The following LINGO2 variants were observed in gnomAD, a reference collection of about 807,000 sequenced individuals.
The protein encoded by LINGO2 is leucine-rich repeat and immunoglobulin-like domain-containing nogo receptor-interacting protein 2.
Under a neutral mutation model 30.6 loss-of-function variants are expected in LINGO2, and 14 were observed. The ratio of observed to expected loss-of-function variants is 0.46; its 90% CI spans 0.30 to 0.72. The LOEUF (loss-of-function observed/expected upper bound fraction) is 0.72. LINGO2 is among the 30% of genes least tolerant of loss of function. The pLI is 0.07. For missense variants in LINGO2, 729 were observed against 751.7 expected, an observed-to-expected ratio of 0.97 and a Z score of 0.35; for synonymous variants, 317 against 288.5, an observed-to-expected ratio of 1.10 and a Z score of -1.00.
At chr9:28,053,664 T>C (rs1433828635) in intron 4 of LINGO2, among the ~76,000 whole-genome samples, 1 of 152,020 alleles carries the variant, frequency 6.6e-6, no homozygotes, top group Non-Finnish European at 1.5e-5. Flanking sequence ...ACCTGGGGAA[T>C]TGTAAAATAA....
At chr9:28,492,257 T>A (rs1017121801) in intron 1 of LINGO2, among the ~76,000 whole-genome samples, 1 of 152,194 alleles carries the variant, frequency 6.6e-6, no homozygotes, top group Admixed American at 6.6e-5. Context: ...CTGATCAATT[T>A]GTCTAAACTA....
chr9:29,147,895 G>A, the LINGO2 span, among the ~76,000 whole-genome samples: 5 of 151,956 alleles, frequency 3.3e-5, no homozygotes, highest in Non-Finnish European at 7.4e-5. Flanking sequence ...TAATAAACCT[G>A]ATTATCCCTA....
chr9:29,103,240 A>G, the LINGO2 span, among the ~76,000 whole-genome samples: 4 of 151,520 alleles, frequency 2.6e-5, no homozygotes, highest in Non-Finnish European at 4.4e-5. Flanking sequence ...ACCTTTCACC[A>G]TTATCTGAAC....
chr9:28,121,094 G>T (rs1187764847), intron 4 of LINGO2, among the ~76,000 whole-genome samples: 2 of 151,946 alleles, frequency 1.3e-5, no homozygotes, highest in African/African-American at 4.8e-5. Context: ...TGGGTCTCCA[G>T]AACACAATTA....
chr9:28,015,881 G>C (rs1005321202), intron 4 of LINGO2, among the ~76,000 whole-genome samples: 2 of 150,994 alleles, frequency 1.3e-5, no homozygotes, highest in African/African-American at 4.9e-5. Context: ...GAATGTTTCA[G>C]ATGCAATGGA....
At chr9:28,953,135 G>T in the LINGO2 span, among the ~76,000 whole-genome samples, 1 of 152,028 alleles carries the variant, frequency 6.6e-6, no homozygotes, top group Non-Finnish European at 1.5e-5. Context: ...ACATATGTTT[G>T]GTCTGAGACT....
intron 1 of LINGO2, among the ~76,000 whole-genome samples, chr9:28,532,471 T>C (rs1821270693): frequency 6.6e-6 from 1 of 152,132 alleles, no homozygotes; most frequent in Non-Finnish European, 1.5e-5. Flanking sequence ...AAGGGAGGCC[T>C]TTGTCACTTT....
At chr9:28,062,940 T>C (rs1825201765) in intron 4 of LINGO2, among the ~76,000 whole-genome samples, 1 of 152,046 alleles carries the variant, frequency 6.6e-6, no homozygotes, top group African/African-American at 2.4e-5. Context: ...TTACTATCTC[T>C]ATAGATTTCC....
chr9:28,661,965 A>G (rs943554598), intron 1 of LINGO2, among the ~76,000 whole-genome samples: 4 of 152,194 alleles, frequency 2.6e-5, no homozygotes, highest in Non-Finnish European at 5.9e-5. Flanking sequence ...AACAAGCAGC[A>G]TAACTTAGTA....
At chr9:29,062,155 A>G in the LINGO2 span, among the ~76,000 whole-genome samples, 22 of 152,216 alleles carry the variant, frequency 1.4e-4, no homozygotes, top group East Asian at 3.9e-3. Context: ...TAGGATGGAC[A>G]GTATATTTTA....
chr9:28,626,428 T>C (rs571915817), intron 1 of LINGO2, among the ~76,000 whole-genome samples: 3 of 152,248 alleles, frequency 2.0e-5, no homozygotes, highest in Admixed American at 1.3e-4. Flanking sequence ...TCAATATGTT[T>C]CCTTCATGAT....
chr9:28,209,871 C>T (rs984347144), intron 4 of LINGO2, among the ~76,000 whole-genome samples: 1 of 151,686 alleles, frequency 6.6e-6, no homozygotes, highest in Admixed American at 6.6e-5. Flanking sequence ...TAAACAGATT[C>T]ATCCTCCCAG....
the LINGO2 span, among the ~76,000 whole-genome samples, chr9:28,745,539 C>A: frequency 3.3e-5 from 5 of 151,936 alleles, 1 homozygote; most frequent in Non-Finnish European, 7.4e-5. Context: ...AATTCCCAGA[C>A]GTTGAATGAG....
chr9:29,008,439 C>A, the LINGO2 span, among the ~76,000 whole-genome samples: 1 of 152,124 alleles, frequency 6.6e-6, no homozygotes, highest in Non-Finnish European at 1.5e-5. Flanking sequence ...TGGGTATATA[C>A]CCAGTAATGG....
Position 28,553,366 on chromosome 9 carries a change from G to C in LINGO2, c.-364-77341C>G, listed in dbSNP as rs561843834. 2.0e-4 allele frequency among the ~76,000 whole-genome samples: 30 copies of C among 152,204 alleles called. No individual in the cohort carries two copies. In the East Asian group the frequency reaches 5.0e-3, roughly 25 times the overall value. On this transcript the variant is annotated intron_variant, in intron 1 of 5. Coordinates refer to ENST00000379992, the Ensembl canonical transcript of LINGO2. Reference sequence around the variant, plus strand: ...CGTGAAGAATGCAGAAGCCTCAGGAGCCGATGTGATCAATTGGAAGAAAGG... The same window carrying C: ...CGTGAAGAATGCAGAAGCCTCAGGACCCGATGTGATCAATTGGAAGAAAGG...
At chr9:28,748,901 T>C in the LINGO2 span, among the ~76,000 whole-genome samples, 122 of 152,162 alleles carry the variant, frequency 8.0e-4, no homozygotes, top group Non-Finnish European at 1.5e-3. Flanking sequence ...TTATCTAGCA[T>C]GTGGTAGTTG....
At chr9:28,296,060 A>C (rs943194422) in intron 3 of LINGO2, among the ~76,000 whole-genome samples, 7 of 152,198 alleles carry the variant, frequency 4.6e-5, no homozygotes, top group African/African-American at 1.7e-4. Context: ...CAGACTCAAG[A>C]AAGTAATTAG....
At chr9:28,299,114 G>A (rs549161547) in intron 3 of LINGO2, among the ~76,000 whole-genome samples, 4 of 152,106 alleles carry the variant, frequency 2.6e-5, no homozygotes, top group East Asian at 3.9e-4. Flanking sequence ...TTTTTTATAC[G>A]TTATCTCAGC....
intron 4 of LINGO2, among the ~76,000 whole-genome samples, chr9:28,076,914 A>G (rs1395309719): frequency 6.6e-6 from 1 of 152,114 alleles, no homozygotes; most frequent in Non-Finnish European, 1.5e-5. Context: ...TTGAAATTCT[A>G]ATGTCTATTA....
Sources: allele counts gnomAD v4.1 joint callset (sites outside exome capture counted in the v4.1 genomes callset), GRCh38; gene constraint gnomAD v4.1.1; transcripts MANE v1.5; gene names NCBI Gene and HGNC (gene_info 2026-07-23, HGNC 2026-07-21).